The following ACYP2 variants were observed in gnomAD, a reference collection of about 807,000 sequenced individuals.
ACYP2 encodes the protein acylphosphatase 2, also known as acylphosphatase-2.
In ACYP2, 12 loss-of-function variants were observed where a neutral mutation model predicts 11.2. The ratio of observed to expected loss-of-function variants is 1.08; its 90% CI spans 0.69 to 1.74. The LOEUF (loss-of-function observed/expected upper bound fraction) is 1.74. Ranked by LOEUF, ACYP2 falls within the 40% of genes most tolerant of loss-of-function variation. The pLI is 0.00. For synonymous variants in ACYP2, 43 were observed against 32.2 expected (o/e 1.33, Z -1.13); for missense variants, 134 against 101.9 (o/e 1.31, Z -1.35).
intron 6 of ACYP2, among the ~76,000 whole-genome samples, chr2:54,256,509 G>A (rs920387403): frequency 6.6e-6 from 1 of 152,092 alleles, no homozygotes; most frequent in Non-Finnish European, 1.5e-5. Flanking sequence ...TCTCTACTGG[G>A]CTGACGTTAT....
rs956251197 is a variant in ACYP2 at position 54,268,793 on chromosome 2, C to A, written c.405-35895C>A. ...CACTGCACTCCAGCCTGGAGCAAGACCCCTTTCTCAAACAAACAATTATTT... is the reference window on the plus strand; with the variant it reads ...CACTGCACTCCAGCCTGGAGCAAGAACCCTTTCTCAAACAAACAATTATTT... On this transcript the variant is annotated intron_variant, in intron 6 of 6. Coordinates refer to ENST00000607452, the MANE Select transcript of ACYP2 (RefSeq NM_001320586.2). 6.6e-5 allele frequency among the ~76,000 whole-genome samples: 10 copies of A among 152,166 alleles called. No homozygotes were observed. The East Asian group carries it at 9.6e-4, about 15-fold the overall frequency.
At chr2:54,179,353 G>A (rs1683607991) in intron 6 of ACYP2, among the ~76,000 whole-genome samples, 1 of 152,076 alleles carries the variant, frequency 6.6e-6, no homozygotes, top group African/African-American at 2.4e-5. Context: ...CTATCTACTT[G>A]GAGATAGCAT....
At chr2:54,004,262 C>T (rs945823034) in intron 2 of ACYP2, among the ~76,000 whole-genome samples, 15 of 152,242 alleles carry the variant, frequency 9.9e-5, no homozygotes, top group African/African-American at 3.6e-4. Flanking sequence ...GCTGGGATTA[C>T]AGGCATGAGC....
At chr2:54,197,942 ATATTGTATTGTATTG>A (rs141209640) in intron 6 of ACYP2, among the ~76,000 whole-genome samples, 8,698 of 68,928 alleles carry the variant, frequency 0.13, 1,050 homozygotes, top group Admixed American at 0.16. Context: ...TGTATGTATT[ATATTGTATTGTATTG>A]TATTGTATTG....
intron 6 of ACYP2, among the ~76,000 whole-genome samples, chr2:54,302,503 A>T (rs1056847020): frequency 6.6e-5 from 10 of 152,160 alleles, no homozygotes; most frequent in African/African-American, 2.4e-4. Flanking sequence ...CCCAAAGTAC[A>T]GTCATTGGAC....
chr2:54,169,276 G>C (rs1683131013), intron 6 of ACYP2, among the ~76,000 whole-genome samples: 1 of 152,096 alleles, frequency 6.6e-6, no homozygotes, highest in African/African-American at 2.4e-5. Context: ...GTTCCTCTTT[G>C]TTAGGTCTGT....
At chr2:54,264,981 C>T (rs1398321818) in intron 6 of ACYP2, among the ~76,000 whole-genome samples, 1 of 151,956 alleles carries the variant, frequency 6.6e-6, no homozygotes, top group Non-Finnish European at 1.5e-5. Flanking sequence ...ACTACAATGC[C>T]AAAAACAAAC....
intron 4 of ACYP2, among the ~76,000 whole-genome samples, chr2:54,102,547 C>T (rs866907011): frequency 7.1e-6 from 1 of 141,230 alleles, no homozygotes; most frequent in Non-Finnish European, 1.5e-5. Flanking sequence ...TCTAGAGGAA[C>T]GAGACATCTT....
At chr2:53,984,876 A>C (rs899856280) in intron 2 of ACYP2, among the ~76,000 whole-genome samples, 1 of 151,928 alleles carries the variant, frequency 6.6e-6, no homozygotes, top group Admixed American at 6.6e-5. Context: ...AAATAAGAAA[A>C]TAAAAGTGAA....
chr2:54,011,384 C>T (rs963672655), intron 2 of ACYP2, among the ~76,000 whole-genome samples: 5 of 152,110 alleles, frequency 3.3e-5, no homozygotes, highest in Non-Finnish European at 5.9e-5. Context: ...AAATAATATT[C>T]ATTGGCACTG....
chr2:54,300,894 C>T (rs1248078617), intron 6 of ACYP2, among the ~76,000 whole-genome samples: 1 of 152,210 alleles, frequency 6.6e-6, no homozygotes, highest in Non-Finnish European at 1.5e-5. Context: ...CTTCCCATTC[C>T]ATAAGTGACA....
At chr2:53,987,505 G>A (rs547251936) in intron 2 of ACYP2, among the ~76,000 whole-genome samples, 33 of 152,296 alleles carry the variant, frequency 2.2e-4, no homozygotes, top group African/African-American at 7.2e-4. Flanking sequence ...GCCCAGGGGT[G>A]CAATTTCTGG....
chr2:53,976,441 A>C (rs896993300), intron 2 of ACYP2, among the ~76,000 whole-genome samples: 1 of 152,174 alleles, frequency 6.6e-6, no homozygotes, highest in Non-Finnish European at 1.5e-5. Flanking sequence ...TCCTGGACTC[A>C]AGCAATCTGC....
At chr2:54,239,018 A>G (rs147344368) in intron 6 of ACYP2, among the ~76,000 whole-genome samples, 256 of 152,046 alleles carry the variant, frequency 1.7e-3, no homozygotes, top group African/African-American at 5.9e-3. Flanking sequence ...TGGTCTTCTA[A>G]ATGTCTTTTG....
rs767833020 is a variant in ACYP2 at position 54,276,803 on chromosome 2, C to T, written c.405-27885C>T. 4.6e-5 allele frequency among the ~76,000 whole-genome samples: 7 copies of T among 152,210 alleles called. No homozygotes were observed. The South Asian group carries it at 6.2e-4, about 14-fold the overall frequency. On this transcript the variant is annotated intron_variant, in intron 6 of 6. Transcript: ENST00000607452. ...AAGAATGAAAGCCATTCTTATTTCACGGGGTAACCACTATTATCCCTTTGA... is the reference window on the plus strand; with the variant it reads ...AAGAATGAAAGCCATTCTTATTTCATGGGGTAACCACTATTATCCCTTTGA...
chr2:54,290,770 T>C (rs1242870145), intron 6 of ACYP2, among the ~76,000 whole-genome samples: 1 of 152,138 alleles, frequency 6.6e-6, no homozygotes, highest in African/African-American at 2.4e-5. Flanking sequence ...TCTGGCCAAC[T>C]CATTTTTCAT....
chr2:54,304,096 A>G (rs1340846309), intron 6 of ACYP2, among the ~76,000 whole-genome samples: 1 of 152,194 alleles, frequency 6.6e-6, no homozygotes, highest in Non-Finnish European at 1.5e-5. Flanking sequence ...CTTTGTTAAT[A>G]TATGTGGTAA....
At chr2:54,269,684 T>A (rs1688194509) in intron 6 of ACYP2, among the ~76,000 whole-genome samples, 1 of 152,212 alleles carries the variant, frequency 6.6e-6, no homozygotes, top group African/African-American at 2.4e-5. Flanking sequence ...TCTGTTTAAC[T>A]TTTTTGCTCT....
intron 6 of ACYP2, among the ~76,000 whole-genome samples, chr2:54,230,639 T>TACAG (rs1410800984): frequency 6.6e-6 from 1 of 151,914 alleles, no homozygotes; most frequent in African/African-American, 2.4e-5. Context: ...GTGCTGGGAT[T>TACAG]ACAGGCATGA....
Sources: allele counts gnomAD v4.1 joint callset (sites outside exome capture counted in the v4.1 genomes callset), GRCh38; gene constraint gnomAD v4.1.1; transcripts MANE v1.5; gene names NCBI Gene and HGNC (gene_info 2026-07-23, HGNC 2026-07-21).